NRG1: variants seen among roughly 807,000 people sequenced by gnomAD.
NRG1 encodes pro-neuregulin-1, membrane-bound isoform.
A neutral mutation model predicts 63.8 loss-of-function variants in NRG1; 18 were observed. That is an observed-to-expected ratio of 0.28 (90% CI 0.19 to 0.42). NRG1 has a LOEUF of 0.42. Among genes scored for constraint, NRG1 ranks in the 10% least tolerant of loss-of-function variants. The pLI is 1.00. For synonymous variants in NRG1, 302 were observed against 301.3 expected, an observed-to-expected ratio of 1.00 and a Z score of -0.02; for missense variants, 762 against 814.7, an observed-to-expected ratio of 0.94 and a Z score of 0.79.
chr8:31,653,028 C>T (rs1285578053), intron 1 of NRG1, among the ~76,000 whole-genome samples: 1 of 112,732 alleles, frequency 8.9e-6, no homozygotes, highest in Non-Finnish European at 1.9e-5. Flanking sequence ...CCCTCCCCTT[C>T]TCTCCCCTCC....
At chr8:32,208,189 A>T (rs1371416118) in intron 1 of NRG1, among the ~76,000 whole-genome samples, 1 of 152,148 alleles carries the variant, frequency 6.6e-6, no homozygotes, top group East Asian at 1.9e-4. Flanking sequence ...TTTACCTGTC[A>T]TATGGCAGAT....
chr8:31,838,344 G>T (rs1825875841), intron 1 of NRG1, among the ~76,000 whole-genome samples: 1 of 151,928 alleles, frequency 6.6e-6, no homozygotes, highest in African/African-American at 2.4e-5. Flanking sequence ...AATTATTTTA[G>T]ATTTTATAGT....
At chr8:32,566,342 C>CAAA (rs35064563) in intron 1 of NRG1, among the ~76,000 whole-genome samples, 11,202 of 102,380 alleles carry the variant, frequency 0.11, 748 homozygotes, top group Non-Finnish European at 0.16. Context: ...CAGAACATCT[C>CAAA]AAAAAAAAAA....
chr8:32,158,576 T>A (rs1259139645), intron 1 of NRG1, among the ~76,000 whole-genome samples: 1 of 150,038 alleles, frequency 6.7e-6, no homozygotes, highest in Non-Finnish European at 1.5e-5. Flanking sequence ...TTTCCCTAAG[T>A]AAAATAGAAA....
At chr8:32,091,195 G>A (rs138672643) in intron 1 of NRG1, among the ~76,000 whole-genome samples, 4,966 of 151,384 alleles carry the variant, frequency 0.033, 130 homozygotes, top group South Asian at 0.075. Context: ...GGAGAATGGC[G>A]TGAACCCGGG....
chr8:31,739,292 T>C (rs10088998), intron 1 of NRG1, among the ~76,000 whole-genome samples: 147,345 of 152,116 alleles, frequency 0.97, 71,526 homozygotes, highest in East Asian at 1. Flanking sequence ...ATTCATGGAA[T>C]GTTATCTCAC....
rs186869674 is a variant in NRG1 at position 32,091,202 on chromosome 8, C to T, written c.37+451771C>T. On this transcript the variant is annotated intron_variant, in intron 1 of 10. Transcript: ENST00000519301. ...CTGAGGCAGGAGAATGGCGTGAACC[C>T]GGGAGGCAGAGCTTGCAGTGAGCTG... Among the ~76,000 whole-genome samples the T allele has an allele frequency of 4.7e-3, 713 of 150,788 alleles. 10 individuals are homozygous for T. Among genetic ancestry groups the T allele is most frequent in the African/African-American group, 0.015 (618 of 40,988 alleles).
At chr8:32,600,552 G>A (rs1844164112) in intron 2 of NRG1, among the ~76,000 whole-genome samples, 1 of 152,000 alleles carries the variant, frequency 6.6e-6, no homozygotes, top group South Asian at 2.1e-4. Flanking sequence ...AACACAGTGT[G>A]CTTTCTGATA....
chr8:32,728,192 AATGC>A, intron 6 of NRG1, 114 bp downstream of exon 6: 35 of 1,539,188 alleles, frequency 2.3e-5, no homozygotes, highest in Non-Finnish European at 3.0e-5. Context: ...CATGTTGAAT[AATGC>A]TGTTTTATAT....
intron 1 of NRG1, among the ~76,000 whole-genome samples, chr8:31,928,196 T>C (rs1335693635): frequency 6.6e-6 from 1 of 151,822 alleles, no homozygotes; most frequent in African/African-American, 2.4e-5. Flanking sequence ...AGGGGGTCTT[T>C]CTTGGTATTT....
chr8:32,300,211 G>A (rs1334654992), intron 1 of NRG1, among the ~76,000 whole-genome samples: 1 of 151,996 alleles, frequency 6.6e-6, no homozygotes, highest in East Asian at 1.9e-4. Flanking sequence ...TGCAATATGA[G>A]TTTGAACACT....
intron 1 of NRG1, among the ~76,000 whole-genome samples, chr8:32,038,195 G>A (rs1419233249): frequency 6.6e-6 from 1 of 152,160 alleles, no homozygotes; most frequent in Non-Finnish European, 1.5e-5. Flanking sequence ...GAGCTGGGTA[G>A]CACAATACCT....
chr8:31,640,076 CGCTGCT>C lies in NRG1; in HGVS notation c.37+648_37+653del. On this transcript the variant is annotated intron_variant, in intron 1 of 10. Coordinates refer to the NRG1 transcript ENST00000519301. This position sits in a 1 kb window ranked among gnomAD's most constrained non-coding sequence, Gnocchi z 6.3. ...GCCGCCCGCTCGTCGCCGCCGCTGC[CGCTGCT>C]GCCACTACTGCTGCTGCTGGGGACC... The C allele has an allele frequency of 1.8e-6, 2 of 1,136,168 alleles. No homozygotes were observed. The highest frequency in any genetic ancestry group is 4.5e-5 in the East Asian group (1 of 22,428). 70.4% of individuals were successfully genotyped at this position (1,136,168 alleles called of 1,614,324 possible).
At chr8:32,765,125 A>G (rs1307461166) in exon 12 of NRG1, 1 of 152,172 alleles carries the variant, frequency 6.6e-6, no homozygotes, top group Non-Finnish European at 1.5e-5. Context: ...GACAAAAAGC[A>G]ACAGTTTTAG....
chr8:32,461,615 C>T (rs918199609), intron 1 of NRG1, among the ~76,000 whole-genome samples: 5 of 152,060 alleles, frequency 3.3e-5, no homozygotes, highest in African/African-American at 1.2e-4. Context: ...TTGCTTGAAC[C>T]TAGGAGGCGG....
chr8:32,372,109 C>T (rs1233864268), intron 1 of NRG1, among the ~76,000 whole-genome samples: 2 of 151,308 alleles, frequency 1.3e-5, no homozygotes, highest in African/African-American at 4.9e-5. Flanking sequence ...CCACCTCAGT[C>T]TCCTAAGTAG....
chr8:32,720,173 T>A (rs1249897043), intron 5 of NRG1, among the ~76,000 whole-genome samples: 1 of 152,184 alleles, frequency 6.6e-6, no homozygotes, highest in Non-Finnish European at 1.5e-5. Flanking sequence ...GTTGAATAAC[T>A]GAATCCTTGA....
At chr8:32,541,414 C>G (rs1832558857) in intron 1 of NRG1, among the ~76,000 whole-genome samples, 1 of 151,792 alleles carries the variant, frequency 6.6e-6, no homozygotes, top group African/African-American at 2.4e-5. Flanking sequence ...CCATACAGCC[C>G]TGTTATCATG....
chr8:32,541,971 G>A (rs950259821), intron 1 of NRG1, among the ~76,000 whole-genome samples: 5 of 152,134 alleles, frequency 3.3e-5, no homozygotes, highest in African/African-American at 1.2e-4. Flanking sequence ...ACGAGAGGAA[G>A]CTTACCTACA....
Sources: allele counts gnomAD v4.1 joint callset (sites outside exome capture counted in the v4.1 genomes callset), GRCh38; gene constraint gnomAD v4.1.1; non-coding constraint Gnocchi (gnomAD v3.1); transcripts MANE v1.5; gene names NCBI Gene and HGNC (gene_info 2026-07-23, HGNC 2026-07-21).